TMEM87A: variants seen among roughly 807,000 people sequenced by gnomAD.
TMEM87A encodes transmembrane protein 87A, also known as Golgi-pH regulating cation channel.
Under a neutral mutation model 90.0 loss-of-function variants are expected in TMEM87A, and 50 were observed. The observed-to-expected ratio is 0.56, with a 90% CI of 0.44 to 0.70. The LOEUF (loss-of-function observed/expected upper bound fraction) is 0.70. Ranked by LOEUF, TMEM87A falls within the 30% of genes least tolerant of loss-of-function variation. The pLI is 0.00. For missense variants in TMEM87A, 577 were observed against 660.5 expected (o/e 0.87, Z 1.39); for synonymous variants, 226 against 226.7 (o/e 1.00, Z 0.03).
At chr15:42,261,027 T>A (rs59462813) in intron 5 of TMEM87A, 25 bp from the exon 6 acceptor site, 1 of 1,584,692 alleles carries the variant, frequency 6.3e-7, no homozygotes, top group African/African-American at 1.4e-5. Context: ...AAAATAATAA[T>A]AATTAATTCA....
intron 19 of TMEM87A, among the ~76,000 whole-genome samples, chr15:42,216,563 A>T (rs1173383070): frequency 6.6e-6 from 1 of 152,244 alleles, no homozygotes; most frequent in African/African-American, 2.4e-5. Context: ...CAGCTCATGG[A>T]GAGCTGAAGT....
At chr15:42,254,955 G>A (rs931384545) in intron 6 of TMEM87A, among the ~76,000 whole-genome samples, 1 of 135,750 alleles carries the variant, frequency 7.4e-6, no homozygotes, top group African/African-American at 2.6e-5. Context: ...ACAGCATGTG[G>A]GAGGTCTCCT....
chr15:42,273,507 G>C, upstream of TMEM87A: 1 of 1,519,984 alleles, frequency 6.6e-7, no homozygotes, highest in Non-Finnish European at 8.8e-7. Context: ...TGGAAACGTC[G>C]CGGAGCTTGT....
chr15:42,214,622 T>C (rs1476523931), intron 19 of TMEM87A, among the ~76,000 whole-genome samples: 1 of 152,070 alleles, frequency 6.6e-6, no homozygotes, highest in Non-Finnish European at 1.5e-5. Context: ...AACTAGATAT[T>C]CACATGAGAA....
At chr15:42,228,639 T>C (rs2050636891) in intron 13 of TMEM87A, 73 bp downstream of exon 13, 3 of 1,289,382 alleles carry the variant, frequency 2.3e-6, no homozygotes, top group African/African-American at 1.5e-5. Flanking sequence ...TGTCCACCCA[T>C]GGCCTTTCAG....
intron 1 of TMEM87A, among the ~76,000 whole-genome samples, 199 bp from the exon 2 acceptor site, chr15:42,272,322 A>G (rs1296334446): frequency 6.6e-6 from 1 of 152,176 alleles, no homozygotes; most frequent in African/African-American, 2.4e-5. Context: ...TCTGTGTGCA[A>G]ATAACCAGAG....
In TMEM87A at chr15:42,268,120, G is replaced by A. The variant is rs139804079; in HGVS notation, c.206-88C>T. 6.3e-3 allele frequency: 6,452 copies of A among 1,023,240 alleles called. 53 individuals are homozygous for A. Among genetic ancestry groups the A allele is most frequent in the Middle Eastern group, 0.017 (78 of 4,600 alleles). 63.4% of individuals were successfully genotyped at this position (1,023,240 alleles called of 1,614,324 possible). A position where few individuals can be genotyped will look rare whatever the true frequency, so the allele number is the denominator to read the frequency against. ...TGTTAACCTATATCCTATTCATTTC[G>A]TACCCTAAACTGAGATACTCAAAGA... On this transcript the variant is annotated intron_variant, in intron 2 of 19. Coordinates refer to ENST00000389834, the MANE Select transcript of TMEM87A (RefSeq NM_015497.5).
intron 2 of TMEM87A, among the ~76,000 whole-genome samples, chr15:42,269,930 G>A (rs1314048495): frequency 2.9e-5 from 3 of 102,302 alleles, no homozygotes; most frequent in South Asian, 3.9e-4. Context: ...GCGACAGAGC[G>A]AGACTCCGTC....
In TMEM87A at chr15:42,220,129, G is replaced by A. The variant is rs1382976658; in HGVS notation, c.1410C>T (p.Ala470=). 9 of 1,602,800 alleles carry A rather than the reference G, an allele frequency of 5.6e-6. No individual in the cohort carries two copies. The highest frequency in any genetic ancestry group is 6.0e-6 in the Non-Finnish European group (7 of 1,176,460). ...WRPSANNQRF[A]FSPLSEEEEE... Reference sequence around the variant, plus strand: ...CCTCTTCCTCAGACAATGGTGAAAAGGCAAACCTAACAGAACCAAAGTGAA... The same window carrying A: ...CCTCTTCCTCAGACAATGGTGAAAAAGCAAACCTAACAGAACCAAAGTGAA... Residue 470 remains alanine (A), a synonymous_variant, in exon 16 of 20, where the codon GCC becomes GCT. Coordinates refer to ENST00000389834, the MANE Select transcript of TMEM87A (RefSeq NM_015497.5).
intron 6 of TMEM87A, among the ~76,000 whole-genome samples, chr15:42,252,317 C>A (rs962919602): frequency 1.3e-5 from 2 of 152,206 alleles, no homozygotes; most frequent in African/African-American, 2.4e-5. Context: ...AGAAATCACC[C>A]GTCTTCTGTG....
At chr15:42,228,156 G>GA (rs2050629626) in intron 13 of TMEM87A, among the ~76,000 whole-genome samples, 2 of 151,424 alleles carry the variant, frequency 1.3e-5, no homozygotes, top group African/African-American at 2.4e-5. Context: ...CTGGTCAGAT[G>GA]AAAAAAAATG....
chr15:42,243,305 TAAATAAATAAAA>T (rs142748216), intron 7 of TMEM87A, among the ~76,000 whole-genome samples: 83,977 of 132,324 alleles, frequency 0.63, 29,778 homozygotes, highest in Middle Eastern at 0.8. Flanking sequence ...AATAAATAAA[TAAATAAATAAAA>T]AAAAAGAAAG....
intron 3 of TMEM87A, among the ~76,000 whole-genome samples, chr15:42,267,068 T>C (rs1241286442): frequency 3.3e-5 from 5 of 152,250 alleles, no homozygotes; most frequent in African/African-American, 7.2e-5. Context: ...TTTGAAGAAC[T>C]TGTATCTGCT....
In TMEM87A at chr15:42,253,141, C is replaced by A. The variant is rs139309699; in HGVS notation, c.504+7817G>T. Among the ~76,000 whole-genome samples the A allele has an allele frequency of 7.7e-3, 1,179 of 152,300 alleles. 13 individuals are homozygous for A. Among genetic ancestry groups the A allele is most frequent in the African/African-American group, 0.027 (1,127 of 41,550 alleles). On this transcript the variant is annotated intron_variant, in intron 6 of 19. Coordinates refer to ENST00000389834, the MANE Select transcript of TMEM87A (RefSeq NM_015497.5). ...ACAGAATATCCTCCCAGTCTTTGCA[C>A]CCTGGCGCAATCCTTCAATGCTTAG... is the stretch of plus-strand genomic sequence containing the variant.
intron 15 of TMEM87A, among the ~76,000 whole-genome samples, chr15:42,220,592 C>T (rs2050460606): frequency 6.6e-6 from 1 of 151,114 alleles, no homozygotes; most frequent in African/African-American, 2.4e-5. Context: ...TCGCAGCCTT[C>T]AAATTGGGAG....
At chr15:42,273,558 T>C, upstream of TMEM87A, 1 of 1,307,656 alleles carries the variant, frequency 7.6e-7, no homozygotes, top group Non-Finnish European at 1.0e-6. Flanking sequence ...GACAGTCGTC[T>C]GTGCGCCGTG....
intron 6 of TMEM87A, among the ~76,000 whole-genome samples, chr15:42,244,765 T>C (rs1482893522): frequency 1.4e-5 from 2 of 144,672 alleles, no homozygotes; most frequent in Non-Finnish European, 3.0e-5. Flanking sequence ...CTTTGAGGGG[T>C]AGTGACTCTT....
chr15:42,254,829 A>T (rs1383698214), intron 6 of TMEM87A, among the ~76,000 whole-genome samples: 1 of 152,228 alleles, frequency 6.6e-6, no homozygotes, highest in Non-Finnish European at 1.5e-5. Context: ...CTGCAGAGTG[A>T]ACCTTAAACT....
At chr15:42,269,449 A>G (rs958771053) in intron 2 of TMEM87A, among the ~76,000 whole-genome samples, 2 of 152,088 alleles carry the variant, frequency 1.3e-5, no homozygotes, top group Non-Finnish European at 2.9e-5. Context: ...GACCTGTTGG[A>G]TAGAATTTAT....
Sources: gnomAD v4.1 joint callset for allele counts (sites outside exome capture counted in the v4.1 genomes callset) on GRCh38, gnomAD v4.1.1 for gene constraint, MANE v1.5 for transcripts, NCBI Gene and HGNC (gene_info 2026-07-23, HGNC 2026-07-21) for gene names.